TENM2: variants seen among roughly 807,000 people sequenced by gnomAD.
TENM2 encodes teneurin-2.
Under a neutral mutation model 245.2 loss-of-function variants are expected in TENM2, and 52 were observed. That is an observed-to-expected ratio of 0.21 (90% CI 0.17 to 0.27). The LOEUF (loss-of-function observed/expected upper bound fraction) is 0.27. Ranked by LOEUF, TENM2 falls within the 10% of genes least tolerant of loss-of-function variation. The probability of loss-of-function intolerance (pLI) is 1.00; values close to 1 mark genes in which losing one functional copy is unlikely to be tolerated. For missense variants in TENM2, 3,046 were observed against 3,666.8 expected, an observed-to-expected ratio of 0.83 and a Z score of 4.37; for synonymous variants, 1,363 against 1,438.9, an observed-to-expected ratio of 0.95 and a Z score of 1.19.
chr5:167,271,784 T>G, the TENM2 span, among the ~76,000 whole-genome samples: 1 of 152,156 alleles, frequency 6.6e-6, no homozygotes, highest in African/African-American at 2.4e-5. Flanking sequence ...AAAACACAAT[T>G]GTGAATTTGC....
intron 3 of TENM2, among the ~76,000 whole-genome samples, chr5:167,888,234 C>T (rs1265938261): frequency 6.6e-6 from 1 of 152,156 alleles, no homozygotes; most frequent in Non-Finnish European, 1.5e-5. Context: ...AAATAGCTCC[C>T]TATGTCTTCT....
intron 2 of TENM2, among the ~76,000 whole-genome samples, chr5:167,747,856 T>G (rs1052080497): frequency 1.3e-5 from 2 of 152,178 alleles, no homozygotes; most frequent in Non-Finnish European, 2.9e-5. Context: ...TTTTATTACC[T>G]TAAGTAACAC....
chr5:167,437,355 C>T (rs1221580604), intron 2 of TENM2, among the ~76,000 whole-genome samples: 2 of 152,188 alleles, frequency 1.3e-5, no homozygotes, highest in Non-Finnish European at 2.9e-5. Context: ...CAATGTCTTC[C>T]ATTTGGAATG....
chr5:167,669,444 C>T (rs182745504), intron 2 of TENM2, among the ~76,000 whole-genome samples: 153 of 152,228 alleles, frequency 1.0e-3, no homozygotes, highest in Middle Eastern at 6.8e-3. Flanking sequence ...ACTGATGGTT[C>T]TATCCGTTGA....
At chr5:167,663,161 AGAG>A (rs1192801306) in intron 2 of TENM2, among the ~76,000 whole-genome samples, 1 of 149,828 alleles carries the variant, frequency 6.7e-6, no homozygotes, top group Admixed American at 6.7e-5. Flanking sequence ...AGAGAGAGAG[AGAG>A]AGAGAGAGAG....
At chr5:168,107,301 A>G (rs1427019968) in intron 9 of TENM2, among the ~76,000 whole-genome samples, 2 of 152,002 alleles carry the variant, frequency 1.3e-5, no homozygotes, top group Non-Finnish European at 2.9e-5. Context: ...CCTCTCCATG[A>G]TGGTATTTCT....
chr5:168,177,699 C>T (rs751322726), intron 13 of TENM2, among the ~76,000 whole-genome samples: 1 of 152,068 alleles, frequency 6.6e-6, no homozygotes, highest in Non-Finnish European at 1.5e-5. Context: ...TAGCTGGGCA[C>T]AGTGGTGGGT....
chr5:168,150,639 G>A (rs1250823610), intron 12 of TENM2, among the ~76,000 whole-genome samples: 1 of 152,202 alleles, frequency 6.6e-6, no homozygotes, highest in Non-Finnish European at 1.5e-5. Context: ...CTCCTGCTCA[G>A]TGTATTCTCT....
At chr5:168,197,145 G>C (rs1319295739) in intron 15 of TENM2, among the ~76,000 whole-genome samples, 2 of 152,178 alleles carry the variant, frequency 1.3e-5, no homozygotes, top group African/African-American at 2.4e-5. Context: ...ATCCCCAGCA[G>C]TGTGCATGCC....
chr5:168,250,010 G>A (rs77141224), intron 27 of TENM2, among the ~76,000 whole-genome samples: 1,836 of 152,304 alleles, frequency 0.012, 17 homozygotes, highest in Non-Finnish European at 0.018. Flanking sequence ...TAAAGTCCCT[G>A]TCCTCAGGGA....
chr5:168,174,064 G>A (rs560961717), intron 13 of TENM2, among the ~76,000 whole-genome samples: 1 of 152,290 alleles, frequency 6.6e-6, no homozygotes, highest in African/African-American at 2.4e-5. Flanking sequence ...GCGCAATACA[G>A]CCATCATATT....
At chr5:167,854,355 G>T (rs1053051147) in intron 2 of TENM2, among the ~76,000 whole-genome samples, 1 of 152,172 alleles carries the variant, frequency 6.6e-6, no homozygotes, top group Non-Finnish European at 1.5e-5. Context: ...GGGAAAAAAA[G>T]GCTTATTTTT....
chr5:167,897,972 C>T (rs1775363210), intron 3 of TENM2, among the ~76,000 whole-genome samples: 2 of 148,386 alleles, frequency 1.3e-5, no homozygotes, highest in African/African-American at 2.5e-5. Flanking sequence ...CCAGCCCCTT[C>T]GTGGTGGGCA....
At chr5:168,108,207 G>A (rs995380023) in intron 9 of TENM2, among the ~76,000 whole-genome samples, 1 of 152,134 alleles carries the variant, frequency 6.6e-6, no homozygotes, top group Non-Finnish European at 1.5e-5. Context: ...GCAAAGGAAG[G>A]AAAGAAGGAG....
intron 2 of TENM2, among the ~76,000 whole-genome samples, chr5:167,379,893 T>C (rs1760991237): frequency 6.9e-6 from 1 of 144,540 alleles, no homozygotes; most frequent in Admixed American, 6.9e-5. Flanking sequence ...GAAAATTGTC[T>C]CAATTTCTTA....
intron 3 of TENM2, among the ~76,000 whole-genome samples, chr5:167,941,311 A>G (rs1437170265): frequency 1.3e-5 from 2 of 152,242 alleles, no homozygotes; most frequent in Admixed American, 1.3e-4. Context: ...GCTAATTAAT[A>G]AAAGAAGAAG....
chr5:167,592,146 A>G (rs2127708637), intron 2 of TENM2, among the ~76,000 whole-genome samples: 1 of 152,274 alleles, frequency 6.6e-6, no homozygotes, highest in South Asian at 2.1e-4. Flanking sequence ...CTGAATTAAA[A>G]CGATATCAAA....
the TENM2 span, among the ~76,000 whole-genome samples, chr5:166,983,742 T>TG: frequency 1.3e-5 from 2 of 152,018 alleles, no homozygotes; most frequent in African/African-American, 4.8e-5. Context: ...GTGCATTGTT[T>TG]GGGGGGAAAG....
At chr5:167,283,810 A>T (rs1313119850), upstream of TENM2, among the ~76,000 whole-genome samples, 3 of 152,210 alleles carry the variant, frequency 2.0e-5, no homozygotes, top group African/African-American at 7.2e-5. Flanking sequence ...GAGGCGCCTA[A>T]GCATTTTGGT....
Sources: allele counts gnomAD v4.1 joint callset (sites outside exome capture counted in the v4.1 genomes callset), GRCh38; gene constraint gnomAD v4.1.1; transcripts MANE v1.5; gene names NCBI Gene and HGNC (gene_info 2026-07-23, HGNC 2026-07-21).